SLC35D1: variants seen among roughly 807,000 people sequenced by gnomAD.
SLC35D1 encodes the protein solute carrier family 35 member D1.
In SLC35D1, 31 loss-of-function variants were observed where a neutral mutation model predicts 46.7. The observed-to-expected ratio is 0.66, with a 90% CI of 0.50 to 0.90. The LOEUF (loss-of-function observed/expected upper bound fraction) is 0.90, where lower values mean the gene tolerates loss of function less well. SLC35D1 is among the 40% of genes least tolerant of loss of function. The probability of loss-of-function intolerance (pLI) is 0.00; values close to 1 mark genes in which losing one functional copy is unlikely to be tolerated. For synonymous variants in SLC35D1, 195 were observed against 164.6 expected (o/e 1.18, Z -1.41); for missense variants, 397 against 426.2 (o/e 0.93, Z 0.60).
the SLC35D1 span, chr1:66,985,103 T>C: frequency 8.0e-7 from 1 of 1,246,984 alleles, no homozygotes; most frequent in South Asian, 2.6e-5. Flanking sequence ...TAAGGGTATT[T>C]TAAAAATTAG....
chr1:66,999,111 T>C (rs892869377), downstream of SLC35D1, among the ~76,000 whole-genome samples: 2 of 152,208 alleles, frequency 1.3e-5, no homozygotes, highest in African/African-American at 4.8e-5. Flanking sequence ...GTAAAGCTAC[T>C]CAGGAGCTTG....
At chr1:67,017,764 A>C (rs1667715231) in intron 10 of SLC35D1, among the ~76,000 whole-genome samples, 1 of 152,214 alleles carries the variant, frequency 6.6e-6, no homozygotes, top group South Asian at 2.1e-4. Context: ...TCATACACAG[A>C]GGCCTAGTGT....
chr1:66,980,590 C>G, the SLC35D1 span, among the ~76,000 whole-genome samples: 4 of 152,070 alleles, frequency 2.6e-5, no homozygotes, highest in Non-Finnish European at 4.4e-5. Flanking sequence ...CCACTGTTTC[C>G]TTCTTATTTA....
chr1:67,035,519 C>T (rs1020430638), intron 8 of SLC35D1, among the ~76,000 whole-genome samples: 80 of 152,186 alleles, frequency 5.3e-4, no homozygotes, highest in Non-Finnish European at 4.4e-4. Context: ...TTTTGAATTT[C>T]TGTGGTATCA....
rs1668108817 is a variant in SLC35D1 at position 67,035,738 on chromosome 1, GAACCC to G, written c.729+6493_729+6497del. 2.7e-5 allele frequency among the ~76,000 whole-genome samples: 4 copies of G among 149,482 alleles called. No homozygotes were observed. The South Asian group carries it at 8.4e-4, about 31-fold the overall frequency. On this transcript the variant is annotated intron_variant, in intron 8 of 11. Transcript: ENST00000235345. Reference sequence around the variant, plus strand: ...TTTTCTTCTACTAATTTTGGGTTTGGAACCCAAAAGAACTTGCTTTTCTAGTTCTT... The same window carrying G: ...TTTTCTTCTACTAATTTTGGGTTTGGAAAAGAACTTGCTTTTCTAGTTCTT...
At chr1:66,997,909 C>A (rs1164038519), downstream of SLC35D1, among the ~76,000 whole-genome samples, 1 of 151,296 alleles carries the variant, frequency 6.6e-6, no homozygotes, top group African/African-American at 2.4e-5. Flanking sequence ...AACTAAACAT[C>A]ACCTCAAGCA....
At position 67,004,361 on chromosome 1, in the gene SLC35D1, A is replaced by G. The variant is rs1460400418; in HGVS notation, c.1047T>C (p.Ile349=). 5 of 1,613,898 alleles carry G rather than the reference A, an allele frequency of 3.1e-6. No individual in the cohort carries two copies. The highest frequency in any genetic ancestry group is 4.5e-5 in the East Asian group (2 of 44,876). The stretch of plus-strand genomic sequence containing the variant: ...CTGGTCACACTGCTCCTTTCCCCTT[A>G]ATGTCCAGCTTGTTATTAGCCTCTG... ...KQSEANNKLD[I]KGKGAV The change falls in exon 12 of 12, where the codon ATT becomes ATC. Residue 349 remains isoleucine, a synonymous_variant. Transcript: ENST00000235345.
chr1:66,984,804 A>G, the SLC35D1 span: 1 of 1,613,980 alleles, frequency 6.2e-7, no homozygotes, highest in Non-Finnish European at 8.5e-7. Context: ...GGCGAAGGGT[A>G]AACAGCAATG....
intron 8 of SLC35D1, among the ~76,000 whole-genome samples, chr1:67,036,655 CT>C (rs1668128953): frequency 1.3e-5 from 2 of 150,454 alleles, no homozygotes; most frequent in African/African-American, 4.9e-5. Flanking sequence ...TATTTTCAGT[CT>C]ATGTGAATCT....
the SLC35D1 span, among the ~76,000 whole-genome samples, chr1:66,989,712 G>A: frequency 3.3e-5 from 5 of 152,060 alleles, no homozygotes; most frequent in African/African-American, 1.2e-4. Flanking sequence ...TGATCCTCCC[G>A]CCTCAGCCTC....
intron 10 of SLC35D1, among the ~76,000 whole-genome samples, chr1:67,020,124 C>G (rs911345994): frequency 2.0e-5 from 3 of 152,174 alleles, no homozygotes; most frequent in Admixed American, 1.3e-4. Flanking sequence ...CTATTCCTTC[C>G]TCTATTCAGA....
intron 11 of SLC35D1, among the ~76,000 whole-genome samples, chr1:67,007,160 C>T (rs904178331): frequency 2.6e-5 from 4 of 152,122 alleles, no homozygotes; most frequent in East Asian, 1.9e-4. Flanking sequence ...TAATTATAAA[C>T]GTCTTACTCC....
chr1:67,022,700 T>G (rs552671546), intron 8 of SLC35D1, among the ~76,000 whole-genome samples: 1 of 152,336 alleles, frequency 6.6e-6, no homozygotes, highest in African/African-American at 2.4e-5. Flanking sequence ...TTTGTTGAGG[T>G]AGAATACATG....
chr1:67,009,405 A>C lies in SLC35D1; in HGVS notation c.877-238T>G, dbSNP rs139882074. ...TAAATGCTTTTGCCAATACTGAAGA[A>C]TACTACCAACAGAATGGGAGAAAAT... On this transcript the variant is annotated intron_variant, in intron 10 of 11. Transcript: ENST00000235345. Among the ~76,000 whole-genome samples, 40 of 152,344 alleles carry C rather than the reference A, an allele frequency of 2.6e-4. No homozygotes were observed. In the East Asian group the frequency reaches 7.7e-3, roughly 29 times the overall value.
chr1:67,019,018 T>C (rs973264795), intron 10 of SLC35D1, among the ~76,000 whole-genome samples: 2 of 152,188 alleles, frequency 1.3e-5, no homozygotes, highest in African/African-American at 2.4e-5. Flanking sequence ...AGTAAATCCA[T>C]GGAGTTCTTG....
At chr1:67,008,466 A>T (rs1386404084) in intron 11 of SLC35D1, 22 of 1,288,260 alleles carry the variant, frequency 1.7e-5, no homozygotes, top group Non-Finnish European at 2.1e-5. Flanking sequence ...CACCAGAAAA[A>T]AAAGACAAAG....
At chr1:67,041,077 A>T (rs1668233056) in intron 8 of SLC35D1, among the ~76,000 whole-genome samples, 1 of 152,136 alleles carries the variant, frequency 6.6e-6, no homozygotes, top group South Asian at 2.1e-4. Flanking sequence ...TATAATTAAA[A>T]TTTTCTTGAC....
chr1:67,028,988 G>C (rs1228080185), intron 8 of SLC35D1, among the ~76,000 whole-genome samples: 1 of 152,082 alleles, frequency 6.6e-6, no homozygotes, highest in African/African-American at 2.4e-5. Context: ...AATGTTGTTT[G>C]ATAAATGTTT....
At chr1:67,011,703 T>C (rs1234225150) in intron 10 of SLC35D1, among the ~76,000 whole-genome samples, 3 of 152,040 alleles carry the variant, frequency 2.0e-5, no homozygotes, top group Non-Finnish European at 2.9e-5. Context: ...AGACTGGTCT[T>C]GAGCTCCTGA....
Sources: allele counts gnomAD v4.1 joint callset (sites outside exome capture counted in the v4.1 genomes callset), GRCh38; gene constraint gnomAD v4.1.1; transcripts MANE v1.5; gene names NCBI Gene and HGNC (gene_info 2026-07-23, HGNC 2026-07-21).